ZNF536: variants seen among roughly 807,000 people sequenced by gnomAD.
ZNF536 encodes the protein zinc finger protein 536.
ZNF536 carries 13 observed loss-of-function variants against 84.5 expected under a neutral mutation model. The ratio of observed to expected loss-of-function variants is 0.15; its 90% confidence interval spans 0.10 to 0.24. ZNF536 has a LOEUF of 0.24. Ranked by LOEUF, ZNF536 falls within the 10% of genes least tolerant of loss-of-function variation. ZNF536 has a pLI of 1.00. For synonymous variants in ZNF536, 811 were observed against 742.5 expected, an observed-to-expected ratio of 1.09 and a Z score of -1.50; for missense variants, 1,536 against 1,747.5, an observed-to-expected ratio of 0.88 and a Z score of 2.16.
downstream of ZNF536, among the ~76,000 whole-genome samples, chr19:30,560,034 T>A (rs1408363659): frequency 6.6e-6 from 1 of 152,054 alleles, no homozygotes; most frequent in African/African-American, 2.4e-5. Flanking sequence ...ACACTCCCCC[T>A]GCTTCCCATC....
intron 1 of ZNF536, among the ~76,000 whole-genome samples, chr19:30,249,136 G>A (rs2024460640): frequency 6.6e-6 from 1 of 152,136 alleles, no homozygotes; most frequent in Non-Finnish European, 1.5e-5. Context: ...GTTTTGGGGA[G>A]ACCCTTTCTT....
At chr19:30,362,504 G>T (rs1302958023) in intron 3 of ZNF536, among the ~76,000 whole-genome samples, 1 of 152,280 alleles carries the variant, frequency 6.6e-6, no homozygotes, top group African/African-American at 2.4e-5. Flanking sequence ...GCTGTTCTAC[G>T]ACTCTTGGCT....
intron 1 of ZNF536, among the ~76,000 whole-genome samples, chr19:30,250,213 A>G: frequency 6.6e-6 from 1 of 152,220 alleles, no homozygotes; most frequent in East Asian, 1.9e-4. Flanking sequence ...CCACCATGGC[A>G]GAAGATCACT....
In ZNF536 at chr19:30,506,961, C is replaced by T. The variant is rs1337048618; in HGVS notation, c.2171-27886C>T. 2.6e-5 allele frequency among the ~76,000 whole-genome samples: 4 copies of T among 152,308 alleles called. No individual in the cohort carries two copies. The East Asian group carries it at 7.7e-4, about 29-fold the overall frequency. On this transcript the variant is annotated intron_variant, in intron 2 of 4. Transcript: ENST00000355537. ...GCTTTTCTATGAAAAAACTACTTAT[C>T]TAAATATCTTTTCATTTTCACAAAA...
intron 1 of ZNF536, among the ~76,000 whole-genome samples, chr19:30,396,626 T>A (rs4804929): frequency 6.9e-6 from 1 of 144,464 alleles, no homozygotes; most frequent in Non-Finnish European, 1.5e-5. Flanking sequence ...ACAAAGTCTC[T>A]CTCTGTCGCC....
intron 1 of ZNF536, among the ~76,000 whole-genome samples, chr19:30,645,930 T>C (rs2049448680): frequency 6.6e-6 from 1 of 152,178 alleles, no homozygotes; most frequent in Non-Finnish European, 1.5e-5. Flanking sequence ...AAGTTCGCCA[T>C]GCCGTTGCCC....
intron 1 of ZNF536, among the ~76,000 whole-genome samples, chr19:30,602,418 C>T (rs1014520424): frequency 2.0e-5 from 3 of 152,166 alleles, no homozygotes; most frequent in Non-Finnish European, 2.9e-5. Context: ...CTCTGTGCTG[C>T]GTGGATACAA....
intron 2 of ZNF536, among the ~76,000 whole-genome samples, chr19:30,507,133 G>A (rs896867935): frequency 2.6e-5 from 4 of 152,164 alleles, no homozygotes; most frequent in African/African-American, 4.8e-5. Flanking sequence ...AGGTGGAGGC[G>A]GGTGGATCAC....
chr19:30,445,465 G>A lies in ZNF536; in HGVS notation c.1903G>A (p.Asp635Asn), dbSNP rs7508667. 1.9e-6 allele frequency: 3 copies of A among 1,614,100 alleles called. No homozygotes were observed. The highest frequency in any genetic ancestry group is 2.5e-6 in the Non-Finnish European group (3 of 1,180,032). The change falls in exon 2 of 5, where the codon GAC becomes AAC. Residue 635 changes from aspartate (D) to asparagine (N), a missense_variant. By Grantham distance (23) the Asp-to-Asn change is conservative (BLOSUM62 1). Coordinates refer to ENST00000355537, the MANE Select transcript of ZNF536 (RefSeq NM_014717.3). This position sits in a 1 kb window ranked among gnomAD's most constrained non-coding sequence, Gnocchi z 4.5. ...NMKEKPTECP[D>N]CGRVFRTYHQ... ...GAAGGAGAAGCCCACCGAGTGCCCCGACTGCGGCCGGGTGTTCCGCACTTA... is the reference window on the plus strand; with the variant it reads ...GAAGGAGAAGCCCACCGAGTGCCCCAACTGCGGCCGGGTGTTCCGCACTTA...
intron 1 of ZNF536, among the ~76,000 whole-genome samples, chr19:30,630,203 A>G (rs1254495096): frequency 6.6e-6 from 1 of 152,220 alleles, no homozygotes; most frequent in Non-Finnish European, 1.5e-5. Context: ...TTCTTCATCC[A>G]TTCATTCTCT....
intron 1 of ZNF536, among the ~76,000 whole-genome samples, chr19:30,677,611 G>A (rs1229674460): frequency 6.6e-6 from 1 of 152,240 alleles, no homozygotes; most frequent in African/African-American, 2.4e-5. Context: ...TGACCTCTTG[G>A]GTCCTGTCTA....
At chr19:30,328,161 T>A (rs1320102068) in intron 2 of ZNF536, among the ~76,000 whole-genome samples, 1 of 152,158 alleles carries the variant, frequency 6.6e-6, no homozygotes, top group Non-Finnish European at 1.5e-5. Flanking sequence ...GAAGGTGCCT[T>A]GTGTGTGTTC....
chr19:30,636,953 G>A (rs572309965), intron 1 of ZNF536, among the ~76,000 whole-genome samples: 158 of 152,212 alleles, frequency 1.0e-3, no homozygotes, highest in African/African-American at 3.7e-3. Flanking sequence ...TTTTCTCCTG[G>A]GCTGGATCCT....
intron 2 of ZNF536, among the ~76,000 whole-genome samples, chr19:30,514,959 A>G (rs1440240883): frequency 6.6e-6 from 1 of 151,638 alleles, no homozygotes; most frequent in Non-Finnish European, 1.5e-5. Context: ...AGATAATAAA[A>G]CTCTGTGGCC....
chr19:30,641,701 A>G (rs923529719), intron 1 of ZNF536, among the ~76,000 whole-genome samples: 1 of 152,182 alleles, frequency 6.6e-6, no homozygotes, highest in Middle Eastern at 3.2e-3. Context: ...AAAGCAATGA[A>G]ATATTTATAT....
At chr19:30,333,623 A>G (rs1187880393) in intron 2 of ZNF536, among the ~76,000 whole-genome samples, 1 of 152,094 alleles carries the variant, frequency 6.6e-6, no homozygotes, top group East Asian at 1.9e-4. Context: ...CCCAGTGTCT[A>G]CCTTCTGCCA....
At chr19:30,485,989 G>A (rs139436304) in intron 2 of ZNF536, among the ~76,000 whole-genome samples, 4 of 152,276 alleles carry the variant, frequency 2.6e-5, no homozygotes, top group African/African-American at 9.6e-5. Flanking sequence ...ACCAGTAAAG[G>A]TGTGTTTCAT....
chr19:30,674,180 CA>C (rs1288617397), intron 1 of ZNF536, among the ~76,000 whole-genome samples: 3 of 152,192 alleles, frequency 2.0e-5, no homozygotes, highest in African/African-American at 7.2e-5. Context: ...GGGGTGACAG[CA>C]GGAGATGGGA....
intron 1 of ZNF536, among the ~76,000 whole-genome samples, chr19:30,394,927 G>A (rs1323842624): frequency 1.3e-5 from 2 of 152,130 alleles, no homozygotes; most frequent in African/African-American, 4.8e-5. Flanking sequence ...CCTTAACACT[G>A]GTTTTGGAGC....
Sources: gnomAD v4.1 joint callset for allele counts (sites outside exome capture counted in the v4.1 genomes callset) on GRCh38, gnomAD v4.1.1 for gene constraint, Gnocchi (gnomAD v3.1) non-coding constraint, MANE v1.5 for transcripts, NCBI Gene and HGNC (gene_info 2026-07-23, HGNC 2026-07-21) for gene names.